The following RABL3 variants were observed in gnomAD, a reference collection of about 807,000 sequenced individuals.
RABL3 encodes RAB, member of RAS oncogene family like 3.
RABL3 carries 31 observed loss-of-function variants against 31.8 expected under a neutral mutation model. That is an observed-to-expected ratio of 0.97 (90% CI 0.73 to 1.31). RABL3 has a LOEUF of 1.31. RABL3 is among the 40% of genes most tolerant of loss of function. The pLI is 0.00. For synonymous variants in RABL3, 97 were observed against 99.9 expected, an observed-to-expected ratio of 0.97 and a Z score of 0.18; for missense variants, 263 against 279.6, an observed-to-expected ratio of 0.94 and a Z score of 0.42.
At chr3:120,692,797 A>C (rs377066947) in intron 6 of RABL3, among the ~76,000 whole-genome samples, 2 of 152,186 alleles carry the variant, frequency 1.3e-5, no homozygotes, top group East Asian at 3.8e-4. Flanking sequence ...GATGTAATTT[A>C]GTATATCTTA....
At chr3:120,709,553 T>A (rs1365018040) in intron 3 of RABL3, among the ~76,000 whole-genome samples, 1 of 152,082 alleles carries the variant, frequency 6.6e-6, no homozygotes, top group African/African-American at 2.4e-5. Context: ...CAATATTTAG[T>A]TTATGACAAT....
intron 1 of RABL3, among the ~76,000 whole-genome samples, chr3:120,736,126 C>G (rs901474785): frequency 1.3e-5 from 2 of 152,132 alleles, no homozygotes; most frequent in African/African-American, 4.8e-5. Context: ...GTTGATCTGT[C>G]TAATGTTGAC....
chr3:120,735,584 T>C (rs1234022214), intron 1 of RABL3, among the ~76,000 whole-genome samples: 1 of 152,154 alleles, frequency 6.6e-6, no homozygotes, highest in Non-Finnish European at 1.5e-5. Context: ...TGCCTTCTGC[T>C]AGCTTTTGAA....
At chr3:120,731,750 AG>A (rs1233435528) in intron 1 of RABL3, among the ~76,000 whole-genome samples, 1 of 152,178 alleles carries the variant, frequency 6.6e-6, no homozygotes, top group Non-Finnish European at 1.5e-5. Context: ...TTTACAATCT[AG>A]AAAGTATGCA....
intron 4 of RABL3, among the ~76,000 whole-genome samples, chr3:120,704,763 T>C (rs1708530523): frequency 6.6e-6 from 1 of 152,198 alleles, no homozygotes; most frequent in African/African-American, 2.4e-5. Context: ...ATACCATTTA[T>C]GGCCAGGTAT....
At chr3:120,735,304 T>C (rs1708943933) in intron 1 of RABL3, among the ~76,000 whole-genome samples, 2 of 152,260 alleles carry the variant, frequency 1.3e-5, no homozygotes, top group South Asian at 4.1e-4. Flanking sequence ...TTTATCCATT[T>C]CTTCTAGATT....
chr3:120,732,670 C>T (rs907441294), intron 1 of RABL3, among the ~76,000 whole-genome samples: 9 of 151,578 alleles, frequency 5.9e-5, no homozygotes, highest in Non-Finnish European at 1.3e-4. Flanking sequence ...CCCATTAACT[C>T]GTCATTTACA....
At chr3:120,709,215 C>T (rs757621477) in intron 3 of RABL3, among the ~76,000 whole-genome samples, 4 of 152,044 alleles carry the variant, frequency 2.6e-5, no homozygotes, top group Non-Finnish European at 4.4e-5. Context: ...AGAGTAGGTA[C>T]TCTATGAAAG....
intron 2 of RABL3, among the ~76,000 whole-genome samples, chr3:120,718,006 T>A (rs1042126712): frequency 1.3e-5 from 2 of 152,202 alleles, no homozygotes; most frequent in Admixed American, 1.3e-4. Context: ...TATCCTCTGT[T>A]ACTATACATA....
intron 1 of RABL3, among the ~76,000 whole-genome samples, chr3:120,735,892 G>A (rs1708955246): frequency 6.6e-6 from 1 of 152,212 alleles, no homozygotes; most frequent in African/African-American, 2.4e-5. Flanking sequence ...TAGTTTGACA[G>A]CACTGTGGTC....
chr3:120,695,060 C>A (rs1164220440), intron 5 of RABL3, among the ~76,000 whole-genome samples: 3 of 151,106 alleles, frequency 2.0e-5, no homozygotes, highest in African/African-American at 7.3e-5. Flanking sequence ...ACTATAAGGG[C>A]TATCATGTAA....
chr3:120,700,652 G>C (rs1708482646), intron 4 of RABL3, among the ~76,000 whole-genome samples: 1 of 151,942 alleles, frequency 6.6e-6, no homozygotes, highest in Non-Finnish European at 1.5e-5. Context: ...TAATTATATG[G>C]TGTCATGTTA....
intron 6 of RABL3, among the ~76,000 whole-genome samples, chr3:120,693,542 T>C (rs1708403472): frequency 6.6e-6 from 1 of 152,200 alleles, no homozygotes; most frequent in African/African-American, 2.4e-5. Flanking sequence ...TGGTCAATAC[T>C]ATGTGCAATA....
At position 120,685,500 on chromosome 3, in the gene RABL3, G is replaced by A. The variant is rs1032143989; in HGVS notation, c.*4323C>T. Among the ~76,000 whole-genome samples, 2 of 144,406 alleles carry A rather than the reference G, an allele frequency of 1.4e-5. No individual in the cohort carries two copies. The highest frequency in any genetic ancestry group is 3.1e-5 in the Non-Finnish European group (2 of 63,692). The allele number at this position is 144,406 out of a possible 152,430, so 94.7% of individuals were successfully genotyped here. ...GCACTGGTTAGAAATAAATATATTT[G>A]GATTAAAAACAGAACCCAGGGGAAA... On this transcript the variant is annotated 3_prime_UTR_variant, in exon 8 of 8. Transcript: ENST00000273375.
chr3:120,713,896 C>G (rs11720667), intron 2 of RABL3, among the ~76,000 whole-genome samples: 1 of 150,852 alleles, frequency 6.6e-6, no homozygotes, highest in African/African-American at 2.4e-5. Context: ...CTGCAACCTC[C>G]GCCTCCCTGG....
intron 4 of RABL3, among the ~76,000 whole-genome samples, chr3:120,702,362 C>T (rs375979738): frequency 1.3e-5 from 2 of 152,162 alleles, no homozygotes; most frequent in East Asian, 1.9e-4. Context: ...AACCTAGATC[C>T]CTCACATGCA....
intron 5 of RABL3, among the ~76,000 whole-genome samples, chr3:120,697,782 AG>A (rs1708452906): frequency 6.6e-6 from 1 of 152,352 alleles, no homozygotes; most frequent in East Asian, 1.9e-4. Flanking sequence ...AGAAGCTAAG[AG>A]GCTTTTTAAA....
intron 5 of RABL3, among the ~76,000 whole-genome samples, chr3:120,698,160 T>C (rs1708457937): frequency 6.6e-6 from 1 of 152,054 alleles, no homozygotes. Flanking sequence ...CGAGACTCTG[T>C]TTCAAAAAAA....
In RABL3 at chr3:120,713,707, C is replaced by A. The variant is rs533152705; in HGVS notation, c.139-3798G>T. ...TCCTCAACGATGCTGCCACTTTGGACCTTCTCATTTATTCAGCTTTTGACT... is the reference window on the plus strand; with the variant it reads ...TCCTCAACGATGCTGCCACTTTGGAACTTCTCATTTATTCAGCTTTTGACT... On this transcript the variant is annotated intron_variant, in intron 2 of 7. Transcript: ENST00000273375. 5.3e-5 allele frequency among the ~76,000 whole-genome samples: 8 copies of A among 152,158 alleles called. No individual in the cohort carries two copies. The South Asian group carries it at 1.2e-3, about 24-fold the overall frequency.
Sources: gnomAD v4.1 joint callset for allele counts (sites outside exome capture counted in the v4.1 genomes callset) on GRCh38, gnomAD v4.1.1 for gene constraint, MANE v1.5 for transcripts, NCBI Gene and HGNC (gene_info 2026-07-23, HGNC 2026-07-21) for gene names.